The following TTC3 variants were observed in gnomAD, a reference collection of about 807,000 sequenced individuals.
TTC3 encodes the protein E3 ubiquitin-protein ligase TTC3.
In TTC3, 180 loss-of-function variants were observed where a neutral mutation model predicts 249.6. The ratio of observed to expected loss-of-function variants is 0.72; its 90% CI spans 0.64 to 0.82. The LOEUF (loss-of-function observed/expected upper bound fraction) is 0.82, where lower values mean the gene tolerates loss of function less well. Ranked by LOEUF, TTC3 falls within the 40% of genes least tolerant of loss-of-function variation. The probability of loss-of-function intolerance (pLI) is 0.00; values close to 1 mark genes in which losing one functional copy is unlikely to be tolerated. For synonymous variants in TTC3, 717 were observed against 805.0 expected (o/e 0.89, Z 1.85); for missense variants, 2,061 against 2,398.4 (o/e 0.86, Z 2.94).
chr21:37,181,530 T>C (rs2082757283), intron 35 of TTC3, among the ~76,000 whole-genome samples: 1 of 152,180 alleles, frequency 6.6e-6, no homozygotes, highest in Admixed American at 6.5e-5. Flanking sequence ...AAATTCAGGA[T>C]CAACAAGGTT....
chr21:37,089,011 T>C, intron 5 of TTC3, 125 bp downstream of exon 5: 2 of 812,852 alleles, frequency 2.5e-6, no homozygotes, highest in East Asian at 5.6e-5. Context: ...TTGGTTAACC[T>C]GAGATAAATC....
At chr21:37,157,684 T>C (rs1173115517) in intron 28 of TTC3, among the ~76,000 whole-genome samples, 1 of 152,136 alleles carries the variant, frequency 6.6e-6, no homozygotes, top group Admixed American at 6.5e-5. Context: ...TTATTTGGAA[T>C]TGGGGACCCT....
chr21:37,162,937 C>T (rs2080903111), intron 31 of TTC3, among the ~76,000 whole-genome samples: 1 of 152,044 alleles, frequency 6.6e-6, no homozygotes, highest in African/African-American at 2.4e-5. Flanking sequence ...CTCTCTGGGG[C>T]CTCTTTTATA....
intron 1 of TTC3, chr21:37,083,116 A>C: frequency 1.0e-6 from 1 of 985,440 alleles, no homozygotes; most frequent in African/African-American, 1.7e-5. Flanking sequence ...AAGAGGTGCA[A>C]AAATCAACTT....
At chr21:37,110,253 C>G (rs201263474) in intron 11 of TTC3, among the ~76,000 whole-genome samples, 1 of 150,860 alleles carries the variant, frequency 6.6e-6, no homozygotes, top group Admixed American at 6.6e-5. Context: ...GAAGATCAAA[C>G]TACTCCGAGC....
chr21:37,091,266 CCA>C, intron 6 of TTC3, 25 bp from the exon 7 acceptor site: 12 of 1,598,248 alleles, frequency 7.5e-6, no homozygotes, highest in Non-Finnish European at 1.0e-5. Flanking sequence ...AACCAAAGCC[CCA>C]TTCTTCATTT....
At chr21:37,096,204 CCTTT>C (rs1375135914) in intron 9 of TTC3, among the ~76,000 whole-genome samples, 1 of 152,332 alleles carries the variant, frequency 6.6e-6, no homozygotes, top group African/African-American at 2.4e-5. Flanking sequence ...CTGTAGGCTT[CCTTT>C]CTCAGTTCTT....
intron 42 of TTC3, 126 bp downstream of exon 42, chr21:37,196,162 G>C: frequency 8.0e-7 from 1 of 1,256,246 alleles, no homozygotes; most frequent in Non-Finnish European, 1.1e-6. Flanking sequence ...TGCTCAGAAA[G>C]ACAGTTGCTA....
chr21:37,143,914 T>C (rs1380612189), intron 20 of TTC3, among the ~76,000 whole-genome samples: 1 of 139,174 alleles, frequency 7.2e-6, no homozygotes, highest in East Asian at 2.0e-4. Context: ...TAAGCAGCCA[T>C]AAAAAAGGAT....
intron 5 of TTC3, among the ~76,000 whole-genome samples, chr21:37,089,920 G>A (rs141327366): frequency 1.9e-3 from 296 of 152,158 alleles, no homozygotes; most frequent in Non-Finnish European, 3.2e-3. Context: ...GGGACGTGGA[G>A]GTTGTGGTGA....
Position 37,088,939 on chromosome 21 carries a change from A to C in TTC3, c.426+53A>C, listed in dbSNP as rs1021368281. ...AGCCCTTGGTTTAAATAATATAAGC[A>C]TTTATATGGTGTTAGGCTCAAATGA... On this transcript the variant is annotated intron_variant, in intron 5 of 45. Coordinates refer to ENST00000355666, the Ensembl canonical transcript of TTC3. 2.0e-6 allele frequency: 3 copies of C among 1,500,528 alleles called. No individual in the cohort carries two copies. The South Asian group carries it at 3.5e-5, about 18-fold the overall frequency. The allele number at this position is 1,500,528 out of a possible 1,614,324, so 93.0% of individuals were successfully genotyped here.
intron 19 of TTC3, 133 bp from the exon 20 acceptor site, chr21:37,140,428 A>G: frequency 1.7e-6 from 1 of 574,932 alleles, no homozygotes; most frequent in Non-Finnish European, 2.9e-6. Flanking sequence ...ACACAGAGGT[A>G]TAATTTTGCC....
intron 20 of TTC3, among the ~76,000 whole-genome samples, chr21:37,143,542 G>C (rs1358574128): frequency 6.6e-6 from 1 of 151,970 alleles, no homozygotes; most frequent in African/African-American, 2.4e-5. Context: ...ACCACAATGA[G>C]ATACCGTCTC....
At chr21:37,135,393 T>C (rs2077838790) in exon 18 of TTC3, 6 of 1,610,960 alleles carry the variant, frequency 3.7e-6, no homozygotes, top group Admixed American at 1.7e-5. Flanking sequence ...TTTGCTAATA[T>C]AATGAAAATG....
chr21:37,133,092 G>T (rs775920416), intron 17 of TTC3, among the ~76,000 whole-genome samples: 30 of 152,116 alleles, frequency 2.0e-4, no homozygotes, highest in Non-Finnish European at 3.4e-4. Flanking sequence ...TTAGCTAGAG[G>T]TTTAACTAAT....
chr21:37,153,402 G>A, intron 27 of TTC3, 125 bp downstream of exon 27: 1 of 979,716 alleles, frequency 1.0e-6, no homozygotes. Context: ...AATTTGTATG[G>A]TTAAGAATAC....
intron 35 of TTC3, 21 bp from the exon 36 acceptor site, chr21:37,182,753 G>A (rs371281145): frequency 3.2e-6 from 5 of 1,558,808 alleles, no homozygotes; most frequent in Non-Finnish European, 4.3e-6. Flanking sequence ...ATTTATTTAA[G>A]TACTTTCTAA....
intron 34 of TTC3, among the ~76,000 whole-genome samples, chr21:37,171,249 T>C (rs2081755503): frequency 6.6e-6 from 1 of 152,164 alleles, no homozygotes; most frequent in Admixed American, 6.5e-5. Flanking sequence ...AATGAATGTT[T>C]TTATCAGTGA....
intron 34 of TTC3, among the ~76,000 whole-genome samples, chr21:37,171,507 G>A (rs1006094537): frequency 1.3e-5 from 2 of 152,170 alleles, no homozygotes; most frequent in African/African-American, 2.4e-5. Flanking sequence ...TTAGCTTCCT[G>A]CCTGTCTCTG....
Sources: gnomAD v4.1 joint callset for allele counts (sites outside exome capture counted in the v4.1 genomes callset) on GRCh38, gnomAD v4.1.1 for gene constraint, MANE v1.5 for transcripts, NCBI Gene and HGNC (gene_info 2026-07-23, HGNC 2026-07-21) for gene names.